Variants in KANSL1 observed in about 807,000 individuals in gnomAD.
KANSL1 encodes KAT8 regulatory NSL complex subunit 1.
A neutral mutation model predicts 103.6 loss-of-function variants in KANSL1; 22 were observed. That is an observed-to-expected ratio of 0.21 (90% CI 0.15 to 0.30). The LOEUF (loss-of-function observed/expected upper bound fraction) is 0.30, where lower values mean the gene tolerates loss of function less well. KANSL1 is among the 10% of genes least tolerant of loss of function. KANSL1 has a pLI of 1.00. For missense variants in KANSL1, 1,337 were observed against 1,399.8 expected (o/e 0.96, Z 0.72); for synonymous variants, 600 against 527.6 (o/e 1.14, Z -1.88).
At chr17:46,137,599 G>A (rs1286860176) in intron 2 of KANSL1, among the ~76,000 whole-genome samples, 4 of 152,134 alleles carry the variant, frequency 2.6e-5, no homozygotes, top group Non-Finnish European at 5.9e-5. Context: ...TGTTTCGCCG[G>A]GCGCGGTAGC....
intron 1 of KANSL1, among the ~76,000 whole-genome samples, chr17:46,209,870 G>A (rs188264358): frequency 1.8e-4 from 27 of 152,328 alleles, no homozygotes; most frequent in Admixed American, 8.5e-4. Context: ...ACGGTCATAT[G>A]AGTGACCTTC....
At chr17:46,079,162 T>C (rs1228093414) in intron 4 of KANSL1, among the ~76,000 whole-genome samples, 1 of 152,142 alleles carries the variant, frequency 6.6e-6, no homozygotes, top group African/African-American at 2.4e-5. Flanking sequence ...GCTCCATGAC[T>C]CAAAAAAGGT....
At chr17:46,207,781 C>G (rs2048021274) in intron 1 of KANSL1, among the ~76,000 whole-genome samples, 1 of 152,098 alleles carries the variant, frequency 6.6e-6, no homozygotes, top group African/African-American at 2.4e-5. Flanking sequence ...AGTTTGAGAC[C>G]AGCCTGGGCA....
intron 2 of KANSL1, among the ~76,000 whole-genome samples, chr17:46,111,612 C>T (rs1249934560): frequency 1.3e-5 from 2 of 152,172 alleles, no homozygotes; most frequent in East Asian, 1.9e-4. Flanking sequence ...CTAGACTAGA[C>T]AAAGAGATCA....
At chr17:46,052,964 C>CAAAAAAAAAAAAAAAAAAAAAAAAAA (rs34473927) in intron 6 of KANSL1, among the ~76,000 whole-genome samples, 1 of 33,002 alleles carries the variant, frequency 3.0e-5, no homozygotes, top group Non-Finnish European at 5.8e-5. Flanking sequence ...ATCCTGTCTC[C>CAAAAAAAAAAAAAAAAAAAAAAAAAA]AAAAAAAAAA....
At chr17:46,117,850 G>A (rs1195102782) in intron 2 of KANSL1, among the ~76,000 whole-genome samples, 1 of 152,102 alleles carries the variant, frequency 6.6e-6, no homozygotes, top group African/African-American at 2.4e-5. Flanking sequence ...ATATAAAAAA[G>A]TGACAAATAA....
At chr17:46,052,964 C>CAAAAAAAAAAAAAAAAAA (rs34473927) in intron 6 of KANSL1, among the ~76,000 whole-genome samples, 9 of 33,002 alleles carry the variant, frequency 2.7e-4, no homozygotes, top group Admixed American at 7.8e-4. Context: ...ATCCTGTCTC[C>CAAAAAAAAAAAAAAAAAA]AAAAAAAAAA....
At position 46,147,374 on chromosome 17, in the gene KANSL1, G is replaced by A. The variant is rs142770971; in HGVS notation, c.1289+23481C>T. On this transcript the variant is annotated intron_variant, in intron 2 of 14. Transcript: ENST00000432791. ...GGATCACTTGAGTTCAGGAGTTCAC[G>A]ACCAGTGTGGGCAAGGTGGCAAGAT... Among the ~76,000 whole-genome samples the A allele has an allele frequency of 4.1e-3, 630 of 152,220 alleles. 3 individuals are homozygous for A. Among genetic ancestry groups the A allele is most frequent in the Middle Eastern group, 0.041 (12 of 292 alleles).
chr17:46,164,217 A>C (rs866626381), intron 2 of KANSL1, among the ~76,000 whole-genome samples: 2 of 152,264 alleles, frequency 1.3e-5, no homozygotes, highest in South Asian at 2.1e-4. Context: ...CAAAAACAAC[A>C]ATCACAAGGT....
At chr17:46,085,590 A>C (rs2079134938) in intron 3 of KANSL1, among the ~76,000 whole-genome samples, 1 of 152,204 alleles carries the variant, frequency 6.6e-6, no homozygotes, top group African/African-American at 2.4e-5. Flanking sequence ...CCCGGGCTCA[A>C]GTGATCCTCC....
upstream of KANSL1, chr17:46,196,366 A>G (rs775861084): frequency 7.6e-4 from 345 of 456,344 alleles, 4 homozygotes; most frequent in South Asian, 4.0e-3. Context: ...ATGATTGGTT[A>G]GGAATGGCCA....
At chr17:46,223,202 C>G (rs1174116965) in intron 1 of KANSL1, 1 of 151,974 alleles carries the variant, frequency 6.6e-6, no homozygotes, top group African/African-American at 2.4e-5. Flanking sequence ...TTAGAATGCC[C>G]TAATATACTA....
intron 2 of KANSL1, among the ~76,000 whole-genome samples, chr17:46,139,977 T>C (rs1363364107): frequency 6.6e-6 from 1 of 152,174 alleles, no homozygotes; most frequent in African/African-American, 2.4e-5. Flanking sequence ...AGACAAAAAC[T>C]TTTTCTATTT....
At chr17:46,051,303 C>A (rs1461545547) in intron 6 of KANSL1, among the ~76,000 whole-genome samples, 1 of 152,202 alleles carries the variant, frequency 6.6e-6, no homozygotes, top group Non-Finnish European at 1.5e-5. Context: ...TCCACTGTTA[C>A]AAAGCTCATA....
Position 46,200,038 on chromosome 17 carries a change from T to TACACACACACACAC in KANSL1, c.-90+23619_-90+23632dup, listed in dbSNP as rs143234563. 4.5e-3 allele frequency among the ~76,000 whole-genome samples: 664 copies of TACACACACACACAC among 147,422 alleles called. 2 individuals carry two copies. The highest frequency in any genetic ancestry group is 0.01 in the Middle Eastern group (3 of 286). ...TTTTAATAAAGTTCCTCAATGAGTT[T>TACACACACACACAC]ACACACACACACACACACACACACA... On this transcript the variant is annotated intron_variant, in intron 1 of 14. Transcript: ENST00000572904.
chr17:46,115,787 C>T (rs1232429256), intron 2 of KANSL1, among the ~76,000 whole-genome samples: 1 of 152,210 alleles, frequency 6.6e-6, no homozygotes, highest in African/African-American at 2.4e-5. Flanking sequence ...CATACCCAGA[C>T]CGCTTTTAAC....
intron 2 of KANSL1, among the ~76,000 whole-genome samples, chr17:46,167,056 A>G (rs935781593): frequency 2.8e-5 from 3 of 107,056 alleles, no homozygotes; most frequent in Non-Finnish European, 4.9e-5. Flanking sequence ...AAAAGAAAGG[A>G]AAAAAAAAAA....
At chr17:46,118,137 C>A (rs1040671438) in intron 2 of KANSL1, among the ~76,000 whole-genome samples, 1 of 152,152 alleles carries the variant, frequency 6.6e-6, no homozygotes, top group Non-Finnish European at 1.5e-5. Flanking sequence ...AAGCTTTACA[C>A]ACAATGTTTT....
intron 2 of KANSL1, among the ~76,000 whole-genome samples, chr17:46,146,774 A>C (rs1049627667): frequency 7.1e-6 from 1 of 141,774 alleles, no homozygotes; most frequent in African/African-American, 2.7e-5. Context: ...CGGAGCTTGC[A>C]GTGAGCCGAG....
Sources: gnomAD v4.1 joint callset for allele counts (sites outside exome capture counted in the v4.1 genomes callset) on GRCh38, gnomAD v4.1.1 for gene constraint, MANE v1.5 for transcripts, NCBI Gene and HGNC (gene_info 2026-07-23, HGNC 2026-07-21) for gene names.